MTSS1: variants seen among roughly 807,000 people sequenced by gnomAD.
The protein encoded by MTSS1 is protein MTSS 1.
A neutral mutation model predicts 79.0 loss-of-function variants in MTSS1; 18 were observed. The observed-to-expected ratio is 0.23, with a 90% CI of 0.16 to 0.34. The LOEUF is 0.34. Ranked by LOEUF, MTSS1 falls within the 10% of genes least tolerant of loss-of-function variation. The pLI, the probability that MTSS1 is intolerant of heterozygous loss-of-function variation, is 1.00. For missense variants in MTSS1, 815 were observed against 986.2 expected, an observed-to-expected ratio of 0.83 and a Z score of 2.33; for synonymous variants, 341 against 368.6, an observed-to-expected ratio of 0.93 and a Z score of 0.86.
At chr8:124,581,469 T>A (rs1830041596) in intron 6 of MTSS1, among the ~76,000 whole-genome samples, 1 of 151,974 alleles carries the variant, frequency 6.6e-6, no homozygotes, top group Non-Finnish European at 1.5e-5. Context: ...TTTATTTTTT[T>A]TTTTGAGACA....
At chr8:124,591,954 TA>T (rs1831954190) in intron 3 of MTSS1, among the ~76,000 whole-genome samples, 1 of 124,052 alleles carries the variant, frequency 8.1e-6, no homozygotes, top group Non-Finnish European at 1.7e-5. Context: ...CTGATTTTTT[TA>T]TTTTTTTTTT....
At chr8:124,694,731 C>T (rs1828519138) in intron 3 of MTSS1, among the ~76,000 whole-genome samples, 1 of 152,096 alleles carries the variant, frequency 6.6e-6, no homozygotes, top group Non-Finnish European at 1.5e-5. Flanking sequence ...TATTTCTCAG[C>T]TCCTGTAATA....
chr8:124,721,467 T>C (rs1342057966), intron 1 of MTSS1, among the ~76,000 whole-genome samples: 1 of 144,708 alleles, frequency 6.9e-6, no homozygotes, highest in Non-Finnish European at 1.5e-5. Flanking sequence ...TGGAGTGCAG[T>C]GGCGTGATCT....
At chr8:124,593,584 C>T (rs572213543) in intron 3 of MTSS1, among the ~76,000 whole-genome samples, 15 of 152,324 alleles carry the variant, frequency 9.8e-5, no homozygotes, top group Admixed American at 3.9e-4. Flanking sequence ...ATTTAAAACA[C>T]TGGAGAACAA....
chr8:124,678,842 A>G (rs112730969), intron 3 of MTSS1, among the ~76,000 whole-genome samples: 79 of 152,378 alleles, frequency 5.2e-4, no homozygotes, highest in African/African-American at 1.9e-3. Flanking sequence ...AGTCTCTACC[A>G]TCACGGAACC....
At chr8:124,580,574 G>A (rs180684970) in intron 6 of MTSS1, 3 of 1,535,720 alleles carry the variant, frequency 2.0e-6, no homozygotes, top group Non-Finnish European at 2.6e-6. Context: ...TGGCGGGGGG[G>A]CACACGGTGA....
chr8:124,585,043 A>T lies in MTSS1; in HGVS notation c.460+44T>A, dbSNP rs752917181. The T allele has an allele frequency of 2.0e-6, 3 of 1,513,916 alleles. No individual in the cohort carries two copies. In the South Asian group the frequency reaches 3.5e-5, roughly 17 times the overall value. The allele number at this position is 1,513,916 out of a possible 1,614,324, so 93.8% of individuals were successfully genotyped here. A position where few individuals can be genotyped will look rare whatever the true frequency, so the allele number is the denominator to read the frequency against. On this transcript the variant is annotated intron_variant, in intron 6 of 13. Coordinates refer to ENST00000518547, the MANE Select transcript of MTSS1 (RefSeq NM_014751.6). The stretch of plus-strand genomic sequence containing the variant: ...CTTTCACTTCAAAAACAAATCAAGT[A>T]CTCCATCAGGAAGTAACATCAGTGG...
chr8:124,599,896 G>C (rs1440120685), intron 3 of MTSS1, among the ~76,000 whole-genome samples: 1 of 152,160 alleles, frequency 6.6e-6, no homozygotes, highest in Non-Finnish European at 1.5e-5. Flanking sequence ...AAATGAGCAG[G>C]AGGATAAGCA....
At chr8:124,645,199 T>A (rs1818778884) in intron 3 of MTSS1, among the ~76,000 whole-genome samples, 1 of 151,840 alleles carries the variant, frequency 6.6e-6, no homozygotes, top group African/African-American at 2.4e-5. Flanking sequence ...GAGACCCTAG[T>A]CTCTACAAAA....
chr8:124,556,292 T>C lies in MTSS1; in HGVS notation c.1344A>G (p.Pro448=). 1 of 1,614,186 alleles carries C rather than the reference T, an allele frequency of 6.2e-7. No individual in the cohort carries two copies. Among genetic ancestry groups the C allele is most frequent in the South Asian group, 1.1e-5 (1 of 91,076 alleles). The part of the protein sequence containing the change: ...NGGGPTTASG[P]PAAAEEAQRP... The stretch of plus-strand genomic sequence containing the variant: ...TCTGAGCCTCCTCAGCTGCTGCAGG[T>C]GGGCCGCTGGCGGTAGTGGGTCCTC... Residue 448 remains proline (P), a synonymous_variant, in exon 12 of 14, where the codon CCA becomes CCG. Transcript: ENST00000518547.
intron 2 of MTSS1, among the ~76,000 whole-genome samples, chr8:124,700,466 A>C (rs1293013250): frequency 6.6e-6 from 1 of 152,178 alleles, no homozygotes; most frequent in Non-Finnish European, 1.5e-5. Context: ...GGCTTGACCC[A>C]CTATAAGACA....
At chr8:124,599,440 G>A (rs556024701) in intron 3 of MTSS1, among the ~76,000 whole-genome samples, 35 of 140,616 alleles carry the variant, frequency 2.5e-4, no homozygotes, top group Admixed American at 5.4e-4. Context: ...CCAAGATCAC[G>A]CCACTGCACT....
At chr8:124,559,316 A>G (rs1824756125) in intron 10 of MTSS1, among the ~76,000 whole-genome samples, 1 of 152,140 alleles carries the variant, frequency 6.6e-6, no homozygotes, top group African/African-American at 2.4e-5. Context: ...CTTTTGCTAC[A>G]TGTCTGCCTG....
At chr8:124,555,339 G>A (rs1823388603) in intron 13 of MTSS1, among the ~76,000 whole-genome samples, 1 of 152,038 alleles carries the variant, frequency 6.6e-6, no homozygotes. Flanking sequence ...TCTGCCTCCT[G>A]GGTTCACGCC....
intron 1 of MTSS1, among the ~76,000 whole-genome samples, chr8:124,707,962 C>A (rs548952549): frequency 9.5e-4 from 144 of 152,296 alleles, no homozygotes; most frequent in African/African-American, 3.4e-3. Flanking sequence ...AGCACTGGGT[C>A]CTGAGGTCTA....
rs550575964 is a variant in MTSS1 at position 124,631,085 on chromosome 8, C to A, written c.209-39850G>T. Among the ~76,000 whole-genome samples, 30 of 152,342 alleles carry A rather than the reference C, an allele frequency of 2.0e-4. 1 individual carries two copies. In the South Asian group the frequency reaches 6.0e-3, roughly 30 times the overall value. ...GAGGACTGAGAGCACTTGAGCATTT[C>A]ATTGGCCTGCACCCTGAGGATTCGC... On this transcript the variant is annotated intron_variant, in intron 3 of 13. Transcript: ENST00000518547.
intron 3 of MTSS1, among the ~76,000 whole-genome samples, chr8:124,629,242 CG>C (rs1453270545): frequency 6.6e-6 from 1 of 152,008 alleles, no homozygotes; most frequent in Non-Finnish European, 1.5e-5. Context: ...TGGCCAGGCG[CG>C]GTGGCTCACA....
intron 3 of MTSS1, among the ~76,000 whole-genome samples, chr8:124,627,310 C>T (rs867283392): frequency 2.2e-4 from 33 of 152,202 alleles, no homozygotes; most frequent in African/African-American, 7.7e-4. Context: ...GAAACTGGGG[C>T]ATAATCGTTA....
chr8:124,585,484 G>A (rs1210847423), intron 5 of MTSS1, among the ~76,000 whole-genome samples: 1 of 151,616 alleles, frequency 6.6e-6, no homozygotes, highest in Non-Finnish European at 1.5e-5. Flanking sequence ...GCATGATCTC[G>A]GCTCACTGCC....
Sources: gnomAD v4.1 joint callset for allele counts (sites outside exome capture counted in the v4.1 genomes callset) on GRCh38, gnomAD v4.1.1 for gene constraint, MANE v1.5 for transcripts, NCBI Gene and HGNC (gene_info 2026-07-23, HGNC 2026-07-21) for gene names.